The following RALA variants were observed in gnomAD, a reference collection of about 807,000 sequenced individuals.
RALA encodes RAS like proto-oncogene A.
Under a neutral mutation model 24.0 loss-of-function variants are expected in RALA, and 5 were observed. The ratio of observed to expected loss-of-function variants is 0.21; its 90% CI spans 0.11 to 0.44. The LOEUF (loss-of-function observed/expected upper bound fraction) is 0.44, where lower values mean the gene tolerates loss of function less well. Among genes scored for constraint, RALA ranks in the 20% least tolerant of loss-of-function variants. The pLI is 0.99. For synonymous variants in RALA, 77 were observed against 83.8 expected, an observed-to-expected ratio of 0.92 and a Z score of 0.44; for missense variants, 95 against 241.2, an observed-to-expected ratio of 0.39 and a Z score of 4.01.
At chr7:39,685,101 T>G (rs1368587358) in intron 1 of RALA, among the ~76,000 whole-genome samples, 6 of 152,184 alleles carry the variant, frequency 3.9e-5, no homozygotes, top group Non-Finnish European at 5.9e-5. Flanking sequence ...TAATACATAT[T>G]CAGGCAATTT....
intron 3 of RALA, among the ~76,000 whole-genome samples, chr7:39,696,181 A>G (rs1334458464): frequency 1.3e-5 from 2 of 152,224 alleles, no homozygotes; most frequent in South Asian, 2.1e-4. Context: ...GACTTCCAGT[A>G]ATTTCTGGCA....
chr7:39,697,252 G>C (rs1792937298), intron 4 of RALA, among the ~76,000 whole-genome samples: 1 of 152,054 alleles, frequency 6.6e-6, no homozygotes, highest in East Asian at 1.9e-4. Context: ...TAAAAATAAG[G>C]GTACCTCCCA....
chr7:39,702,585 A>T (rs1793047703), intron 4 of RALA, among the ~76,000 whole-genome samples: 1 of 152,220 alleles, frequency 6.6e-6, no homozygotes, highest in African/African-American at 2.4e-5. Flanking sequence ...AGCAGTGTTC[A>T]CAATAGCCAA....
intron 1 of RALA, among the ~76,000 whole-genome samples, chr7:39,626,758 A>G (rs1791495276): frequency 6.6e-6 from 1 of 152,166 alleles, no homozygotes. Context: ...CCATAAATCT[A>G]TTTGTAGTGA....
At chr7:39,669,290 C>T (rs920138939) in intron 1 of RALA, among the ~76,000 whole-genome samples, 2 of 152,012 alleles carry the variant, frequency 1.3e-5, no homozygotes, top group African/African-American at 4.8e-5. Flanking sequence ...ATGAACCTAT[C>T]CCCCACCCTC....
At chr7:39,656,460 A>G (rs1388274524) in intron 1 of RALA, among the ~76,000 whole-genome samples, 2 of 152,126 alleles carry the variant, frequency 1.3e-5, no homozygotes, top group East Asian at 3.8e-4. Flanking sequence ...CTGATTTTTG[A>G]TAGGAACAAG....
chr7:39,701,460 G>A (rs1344895697), intron 4 of RALA, among the ~76,000 whole-genome samples: 1 of 152,152 alleles, frequency 6.6e-6, no homozygotes, highest in East Asian at 1.9e-4. Context: ...GCAGTGAGCC[G>A]AGATCATAAC....
At chr7:39,631,615 G>A (rs1304869527) in intron 1 of RALA, among the ~76,000 whole-genome samples, 1 of 152,180 alleles carries the variant, frequency 6.6e-6, no homozygotes, top group Non-Finnish European at 1.5e-5. Context: ...TGTCTTTGAG[G>A]AATGGTTTAT....
intron 1 of RALA, among the ~76,000 whole-genome samples, chr7:39,632,551 C>CT (rs1283316391): frequency 6.6e-6 from 1 of 152,228 alleles, no homozygotes; most frequent in African/African-American, 2.4e-5. Flanking sequence ...GGCGTGGTGG[C>CT]TAAGGCCTGT....
chr7:39,666,983 A>C (rs951332780), intron 1 of RALA, among the ~76,000 whole-genome samples: 1 of 152,114 alleles, frequency 6.6e-6, no homozygotes, highest in African/African-American at 2.4e-5. Context: ...AATCACTTCA[A>C]TCCTTCTCTG....
intron 1 of RALA, among the ~76,000 whole-genome samples, chr7:39,655,902 CA>C (rs1466108077): frequency 6.6e-6 from 1 of 152,126 alleles, no homozygotes; most frequent in Non-Finnish European, 1.5e-5. Flanking sequence ...AAGAAATGCG[CA>C]GGGGCAGAAT....
At chr7:39,629,192 T>C (rs999351616) in intron 1 of RALA, among the ~76,000 whole-genome samples, 2 of 152,186 alleles carry the variant, frequency 1.3e-5, no homozygotes, top group African/African-American at 2.4e-5. Flanking sequence ...TATTTTGCAT[T>C]CCTACCAGCA....
intron 1 of RALA, among the ~76,000 whole-genome samples, chr7:39,683,084 C>T (rs1323446431): frequency 1.3e-5 from 2 of 152,132 alleles, no homozygotes; most frequent in Non-Finnish European, 2.9e-5. Context: ...TGCCCACTTG[C>T]CATGTGATGC....
intron 4 of RALA, among the ~76,000 whole-genome samples, chr7:39,703,905 T>C (rs1793071384): frequency 6.6e-6 from 1 of 152,124 alleles, no homozygotes; most frequent in South Asian, 2.1e-4. Flanking sequence ...GTGGCTCACA[T>C]CTGTAATTCC....
chr7:39,672,775 G>C (rs1280253395), intron 1 of RALA, among the ~76,000 whole-genome samples: 1 of 152,108 alleles, frequency 6.6e-6, no homozygotes, highest in Non-Finnish European at 1.5e-5. Flanking sequence ...AGGCAGAACA[G>C]TAAGGCCTGA....
chr7:39,659,883 A>G (rs1792157335), intron 1 of RALA, among the ~76,000 whole-genome samples: 1 of 152,170 alleles, frequency 6.6e-6, no homozygotes, highest in South Asian at 2.1e-4. Flanking sequence ...AAAAATACAG[A>G]TAAGTTTAGT....
At chr7:39,643,549 C>G (rs1209327319) in intron 1 of RALA, among the ~76,000 whole-genome samples, 1 of 152,012 alleles carries the variant, frequency 6.6e-6, no homozygotes, top group African/African-American at 2.4e-5. Flanking sequence ...GGCAAAATCC[C>G]CTCTCTACTA....
chr7:39,648,920 A>G (rs1217271799), intron 1 of RALA, among the ~76,000 whole-genome samples: 2 of 152,242 alleles, frequency 1.3e-5, no homozygotes, highest in African/African-American at 2.4e-5. Flanking sequence ...TTAGCTGGGC[A>G]TGGTGGCATG....
intron 1 of RALA, among the ~76,000 whole-genome samples, chr7:39,644,196 C>T (rs1166753014): frequency 1.3e-5 from 2 of 150,264 alleles, no homozygotes; most frequent in South Asian, 2.1e-4. Context: ...CTGGGAAATT[C>T]CTATGTTTTT....
Sources: gnomAD v4.1 joint callset for allele counts (sites outside exome capture counted in the v4.1 genomes callset) on GRCh38, gnomAD v4.1.1 for gene constraint, MANE v1.5 for transcripts, NCBI Gene and HGNC (gene_info 2026-07-23, HGNC 2026-07-21) for gene names.